The following DCC variants were observed in gnomAD, a reference collection of about 807,000 sequenced individuals.
DCC encodes the protein DCC netrin 1 receptor.
A neutral mutation model predicts 172.5 loss-of-function variants in DCC; 58 were observed. The observed-to-expected ratio is 0.34, with a 90% CI of 0.27 to 0.42. The LOEUF (loss-of-function observed/expected upper bound fraction) is 0.42. Among genes scored for constraint, DCC ranks in the 10% least tolerant of loss-of-function variants. The probability of loss-of-function intolerance (pLI) is 1.00; values close to 1 mark genes in which losing one functional copy is unlikely to be tolerated. For missense variants in DCC, 1,740 were observed against 1,791.0 expected (o/e 0.97, Z 0.51); for synonymous variants, 709 against 644.5 (o/e 1.10, Z -1.52).
chr18:53,345,053 C>A (rs1197839393), intron 15 of DCC, among the ~76,000 whole-genome samples: 3 of 151,770 alleles, frequency 2.0e-5, no homozygotes, highest in Non-Finnish European at 4.4e-5. Flanking sequence ...CAGCCAAAGA[C>A]AATACATACA....
intron 13 of DCC, among the ~76,000 whole-genome samples, chr18:53,308,597 C>T (rs569156533): frequency 1.3e-5 from 2 of 152,110 alleles, no homozygotes; most frequent in Admixed American, 6.6e-5. Flanking sequence ...AATTTGCTAG[C>T]GTTAATTGCT....
rs529275035 is a variant in DCC at position 53,068,471 on chromosome 18, G to C, written c.1261+2305G>C. The stretch of plus-strand genomic sequence containing the variant: ...GTAACAAAAGTATGGGTGCCTTTAA[G>C]CTGATATTGGCTGCTACGCCAGTCA... On this transcript the variant is annotated intron_variant, in intron 7 of 28. Coordinates refer to ENST00000442544, the MANE Select transcript of DCC (RefSeq NM_005215.4). Among the ~76,000 whole-genome samples the C allele has an allele frequency of 1.6e-4, 22 of 134,074 alleles. No homozygotes were observed. The East Asian group carries it at 5.1e-3, about 31-fold the overall frequency. 88.0% of individuals were successfully genotyped at this position (134,074 alleles called of 152,430 possible). A position where few individuals can be genotyped will look rare whatever the true frequency, so the allele number is the denominator to read the frequency against.
At chr18:53,167,911 G>A (rs1457869484) in intron 8 of DCC, among the ~76,000 whole-genome samples, 2 of 152,164 alleles carry the variant, frequency 1.3e-5, no homozygotes, top group Non-Finnish European at 2.9e-5. Context: ...TTTGAAACAA[G>A]CTTTTGCCAA....
intron 17 of DCC, among the ~76,000 whole-genome samples, chr18:53,393,753 C>G (rs1908725853): frequency 6.6e-6 from 1 of 152,184 alleles, no homozygotes. Context: ...CAAATTATTT[C>G]AGTTGAATAG....
chr18:52,562,389 T>G (rs1296111054), intron 1 of DCC, among the ~76,000 whole-genome samples: 7 of 152,284 alleles, frequency 4.6e-5, no homozygotes, highest in African/African-American at 1.4e-4. Flanking sequence ...CAATCAACAT[T>G]CATGGGTCCC....
chr18:53,266,601 T>C (rs1179350491), intron 12 of DCC, among the ~76,000 whole-genome samples: 1 of 152,130 alleles, frequency 6.6e-6, no homozygotes, highest in Non-Finnish European at 1.5e-5. Context: ...GTGCAGTTCA[T>C]GGCTTTTAGT....
intron 9 of DCC, among the ~76,000 whole-genome samples, chr18:53,180,135 G>C (rs1049646405): frequency 6.6e-6 from 1 of 152,078 alleles, no homozygotes; most frequent in African/African-American, 2.4e-5. Flanking sequence ...TCACTTCTTG[G>C]GTGGTTTAAA....
At chr18:53,305,753 T>C (rs765865550) in intron 13 of DCC, 34 bp downstream of exon 13, 1 of 1,606,156 alleles carries the variant, frequency 6.2e-7, no homozygotes, top group Non-Finnish European at 8.5e-7. Context: ...TTGCAAGGTT[T>C]TGATGAATTA....
intron 12 of DCC, among the ~76,000 whole-genome samples, chr18:53,230,553 T>C (rs2144614265): frequency 6.6e-6 from 1 of 152,192 alleles, no homozygotes; most frequent in East Asian, 1.9e-4. Flanking sequence ...ATGTAACTAT[T>C]GTTTAAAAAT....
chr18:52,588,454 T>C (rs1015715435), intron 1 of DCC, among the ~76,000 whole-genome samples: 3 of 152,196 alleles, frequency 2.0e-5, no homozygotes, highest in African/African-American at 7.2e-5. Context: ...GATGGTAGAC[T>C]GTGATAGATA....
intron 5 of DCC, among the ~76,000 whole-genome samples, chr18:53,017,081 T>C (rs1392502256): frequency 8.2e-6 from 1 of 121,840 alleles, no homozygotes; most frequent in Non-Finnish European, 1.7e-5. Flanking sequence ...TTTTCTTTTC[T>C]TTTTTTTTTT....
At chr18:52,455,954 A>C (rs1304343914) in intron 1 of DCC, among the ~76,000 whole-genome samples, 1 of 152,150 alleles carries the variant, frequency 6.6e-6, no homozygotes, top group Non-Finnish European at 1.5e-5. Context: ...GACTTTTGGA[A>C]GCTTTAGTTG....
chr18:52,939,517 A>G (rs1198631647), intron 5 of DCC, among the ~76,000 whole-genome samples: 1 of 152,208 alleles, frequency 6.6e-6, no homozygotes, highest in Non-Finnish European at 1.5e-5. Context: ...AAACATATAA[A>G]TAAATAAACT....
chr18:52,902,138 A>T (rs2039819551), intron 2 of DCC, among the ~76,000 whole-genome samples: 1 of 152,222 alleles, frequency 6.6e-6, no homozygotes, highest in Non-Finnish European at 1.5e-5. Flanking sequence ...CAAGTTCAAT[A>T]GATCTGAGAA....
intron 1 of DCC, among the ~76,000 whole-genome samples, chr18:52,401,182 G>A (rs187887610): frequency 3.0e-4 from 45 of 152,084 alleles, no homozygotes; most frequent in Non-Finnish European, 3.7e-4. Flanking sequence ...CCAGAAGAAA[G>A]GGTTACTATT....
At chr18:53,164,948 A>T (rs188381068) in intron 8 of DCC, among the ~76,000 whole-genome samples, 10 of 152,286 alleles carry the variant, frequency 6.6e-5, no homozygotes, top group Admixed American at 5.2e-4. Flanking sequence ...ACTAATAGTA[A>T]ATATTAGAAC....
At chr18:52,648,424 G>A (rs534695925) in intron 1 of DCC, among the ~76,000 whole-genome samples, 1 of 152,306 alleles carries the variant, frequency 6.6e-6, no homozygotes, top group African/African-American at 2.4e-5. Flanking sequence ...GCACACTTTG[G>A]TTTGGTTAGT....
At chr18:53,048,067 G>A (rs1052464739) in intron 5 of DCC, among the ~76,000 whole-genome samples, 3 of 151,760 alleles carry the variant, frequency 2.0e-5, no homozygotes, top group Admixed American at 6.6e-5. Flanking sequence ...TGTTTAAATA[G>A]CCTTTTTCTT....
chr18:52,405,186 G>C (rs1986595100), intron 1 of DCC, among the ~76,000 whole-genome samples: 1 of 150,386 alleles, frequency 6.6e-6, no homozygotes, highest in African/African-American at 2.4e-5. Context: ...CCAGTAATGG[G>C]ATGGCTGGGT....
Sources: allele counts gnomAD v4.1 joint callset (sites outside exome capture counted in the v4.1 genomes callset), GRCh38; gene constraint gnomAD v4.1.1; transcripts MANE v1.5; gene names NCBI Gene and HGNC (gene_info 2026-07-23, HGNC 2026-07-21).